Variants in LURAP1 observed in about 807,000 individuals in gnomAD.
LURAP1 encodes the protein NF-kappa-B activator C1orf190.
A neutral mutation model predicts 19.0 loss-of-function variants in LURAP1; 14 were observed. That is an observed-to-expected ratio of 0.74 (90% CI 0.49 to 1.15). The LOEUF is 1.15. LURAP1 is among the 50% of genes most tolerant of loss of function. The pLI, the probability that LURAP1 is intolerant of heterozygous loss-of-function variation, is 0.00. For missense variants in LURAP1, 273 were observed against 309.1 expected (o/e 0.88, Z 0.87); for synonymous variants, 129 against 131.8 (o/e 0.98, Z 0.14).
chr1:46,219,824 C>T lies in LURAP1; in HGVS notation c.324C>T (p.Thr108=). The stretch of plus-strand genomic sequence containing the variant: ...TGACCAGTCATTGCAGCAGCCTCAC[C>T]AGCAGTCAATATAGCCTGACAGGCG... The part of the protein sequence containing the change: ...GTLTSHCSSL[T]SSQYSLTGGS... Residue 108 remains threonine, a synonymous_variant, in exon 2 of 2, where the codon ACC becomes ACT. Coordinates refer to ENST00000371980, the MANE Select transcript of LURAP1 (RefSeq NM_001013615.3). 1 of 1,614,218 alleles carries T rather than the reference C, an allele frequency of 6.2e-7. No homozygotes were observed. The highest frequency in any genetic ancestry group is 8.5e-7 in the Non-Finnish European group (1 of 1,180,042).
At chr1:46,219,236 G>T (rs1178859312) in intron 1 of LURAP1, among the ~76,000 whole-genome samples, 1 of 151,618 alleles carries the variant, frequency 6.6e-6, no homozygotes, top group Non-Finnish European at 1.5e-5. Flanking sequence ...CGGAGGTTGC[G>T]GTGAGCTGAG....
chr1:46,211,079 C>G (rs576844418), intron 1 of LURAP1, among the ~76,000 whole-genome samples: 6 of 152,048 alleles, frequency 3.9e-5, no homozygotes, highest in African/African-American at 1.4e-4. Context: ...TGTGCCTGGT[C>G]CTTTGGGCCT....
intron 1 of LURAP1, among the ~76,000 whole-genome samples, chr1:46,208,646 C>T (rs1176257387): frequency 6.6e-6 from 1 of 152,046 alleles, no homozygotes; most frequent in Non-Finnish European, 1.5e-5. Context: ...AGTTCGAGAC[C>T]AGCCTGACCA....
chr1:46,215,216 ACT>A (rs1194895589), intron 1 of LURAP1, among the ~76,000 whole-genome samples: 4 of 144,662 alleles, frequency 2.8e-5, no homozygotes, highest in African/African-American at 7.8e-5. Context: ...ACACAACAAA[ACT>A]CTGTCTCAAA....
Position 46,211,656 on chromosome 1 carries a change from G to A in LURAP1, c.198+8032G>A, listed in dbSNP as rs765620558. Among the ~76,000 whole-genome samples the A allele has an allele frequency of 2.6e-4, 40 of 152,246 alleles. 1 individual carries two copies. The Middle Eastern group carries it at 0.034, about 129-fold the overall frequency. ...GTACCTCATATTATAATAAAGAAAT[G>A]AAGGTTTAAAGAAATCAATTTTAAT... On this transcript the variant is annotated intron_variant, in intron 1 of 1. Coordinates refer to ENST00000371980, the MANE Select transcript of LURAP1 (RefSeq NM_001013615.3).
chr1:46,216,043 C>CTTTTTTTTTTTTTTTTTTTTTTTTTTTTT lies in LURAP1; in HGVS notation c.199-3633_199-3632insTTTTTTTTTTTTTTTTTTTTTTTTTTTTT, dbSNP rs141982741. Among the ~76,000 whole-genome samples the CTTTTTTTTTTTTTTTTTTTTTTTTTTTTT allele has an allele frequency of 3.2e-5, 3 of 92,540 alleles. 1 individual carries two copies. Among genetic ancestry groups the CTTTTTTTTTTTTTTTTTTTTTTTTTTTTT allele is most frequent in the African/African-American group, 8.6e-5 (2 of 23,228 alleles). The allele number at this position is 92,540 out of a possible 152,430, so 60.7% of individuals were successfully genotyped here. The stretch of plus-strand genomic sequence containing the variant: ...AAAATAATTTCAACTTTTATTTTAT[C>CTTTTTTTTTTTTTTTTTTTTTTTTTTTTT]TTTTTTTTTTTTTTTTTTTTTTTGT... On this transcript the variant is annotated intron_variant, in intron 1 of 1. Transcript: ENST00000371980.
chr1:46,207,699 C>A (rs1168955198), intron 1 of LURAP1, among the ~76,000 whole-genome samples: 1 of 150,776 alleles, frequency 6.6e-6, no homozygotes, highest in African/African-American at 2.4e-5. Context: ...CAAACACACC[C>A]AGCTAATTTT....
intron 1 of LURAP1, among the ~76,000 whole-genome samples, chr1:46,203,951 C>G (rs868694894): frequency 6.6e-6 from 1 of 152,098 alleles, no homozygotes; most frequent in African/African-American, 2.4e-5. Flanking sequence ...CAAATTCCCC[C>G]CGCCTGTATG....
At chr1:46,206,229 A>T (rs1658710170) in intron 1 of LURAP1, among the ~76,000 whole-genome samples, 1 of 152,020 alleles carries the variant, frequency 6.6e-6, no homozygotes, top group Admixed American at 6.6e-5. Context: ...CTTGAGCAGC[A>T]CTCTGTCTCT....
rs148150932 is a variant in LURAP1 at position 46,219,794 on chromosome 1, G to A, written c.294G>A (p.Gly98=). The A allele has an allele frequency of 3.2e-5, 51 of 1,614,200 alleles. No homozygotes were observed. In the African/African-American group the frequency reaches 5.9e-4, roughly 19 times the overall value. The change falls in exon 2 of 2, where the codon GGG becomes GGA. Residue 98 remains glycine, a synonymous_variant. Coordinates refer to ENST00000371980, the MANE Select transcript of LURAP1 (RefSeq NM_001013615.3). ...TGCGCTGGCTGTTGGAGGAGCGGGG[G>A]ACGTTGACCAGTCATTGCAGCAGCC... ...EAVRWLLEER[G]TLTSHCSSLT...
At position 46,220,322 on chromosome 1, in the gene LURAP1, A is replaced by C. The variant is rs1028794384; in HGVS notation, c.*102A>C. The stretch of plus-strand genomic sequence containing the variant: ...CAGTCTGAGACTAGGAAGAGGCTGC[A>C]CTGAAATCAGTTACCATGGAAACCT... On this transcript the variant is annotated 3_prime_UTR_variant, in exon 2 of 2. Coordinates refer to ENST00000371980, the MANE Select transcript of LURAP1 (RefSeq NM_001013615.3). 1 of 1,275,058 alleles carries C rather than the reference A, an allele frequency of 7.8e-7. No homozygotes were observed. The highest frequency in any genetic ancestry group is 1.1e-6 in the Non-Finnish European group (1 of 929,922). The allele number at this position is 1,275,058 out of a possible 1,614,324, so 79.0% of individuals were successfully genotyped here.
Position 46,203,558 on chromosome 1 carries a change from G to A in LURAP1, c.132G>A (p.Leu44=). Residue 44 remains leucine, a synonymous_variant, in exon 1 of 2, where the codon CTG becomes CTA. Transcript: ENST00000371980. Reference sequence around the variant, plus strand: ...AGCTGGGAACCTCTGGCGCCCTGCTGCTCCCAGGGGCGTCTAGCACCGGCC... The same window carrying A: ...AGCTGGGAACCTCTGGCGCCCTGCTACTCCCAGGGGCGTCTAGCACCGGCC... The part of the protein sequence containing the change: ...ECELGTSGAL[L]LPGASSTGHD... 1 of 1,566,098 alleles carries A rather than the reference G, an allele frequency of 6.4e-7. No individual in the cohort carries two copies. Among genetic ancestry groups the A allele is most frequent in the South Asian group, 1.2e-5 (1 of 83,840 alleles).
At chr1:46,206,502 A>G (rs1263492018) in intron 1 of LURAP1, among the ~76,000 whole-genome samples, 2 of 152,044 alleles carry the variant, frequency 1.3e-5, no homozygotes, top group Non-Finnish European at 2.9e-5. Context: ...ATCTCCTTGG[A>G]AGGAGAATTG....
rs184338401 is a variant in LURAP1, at chr1:46,207,961, G to A, written c.198+4337G>A. On this transcript the variant is annotated intron_variant, in intron 1 of 1. Transcript: ENST00000371980. The stretch of plus-strand genomic sequence containing the variant: ...CGGCTCACTGCAACCTCTGCCTCCC[G>A]GGTTCAAGCGATTCTCCTGCCTCAG... 5.8e-4 allele frequency among the ~76,000 whole-genome samples: 88 copies of A among 152,016 alleles called. 1 individual carries two copies. Among genetic ancestry groups the A allele is most frequent in the African/African-American group, 2.1e-3 (85 of 41,442 alleles).
chr1:46,220,363 T>G lies in LURAP1; in HGVS notation c.*143T>G. 2.4e-6 allele frequency: 2 copies of G among 847,962 alleles called. No homozygotes were observed. The highest frequency in any genetic ancestry group is 1.8e-6 in the Non-Finnish European group (1 of 555,468). 52.5% of individuals were successfully genotyped at this position (847,962 alleles called of 1,614,324 possible). ...ATGGAAACCTGGCTCATCATTTCTC[T>G]AGTCCCTAGGGAGTCTCTGCCTTTA... On this transcript the variant is annotated 3_prime_UTR_variant, in exon 2 of 2. Coordinates refer to ENST00000371980, the MANE Select transcript of LURAP1 (RefSeq NM_001013615.3).
At chr1:46,211,695 T>C (rs1658901046) in intron 1 of LURAP1, among the ~76,000 whole-genome samples, 1 of 152,210 alleles carries the variant, frequency 6.6e-6, no homozygotes, top group Non-Finnish European at 1.5e-5. Flanking sequence ...ATATGGCTCA[T>C]TAATGGCAAA....
At position 46,220,262 on chromosome 1, in the gene LURAP1, A is replaced by G; in HGVS notation, c.*42A>G. The G allele has an allele frequency of 1.3e-6, 2 of 1,541,670 alleles. No individual in the cohort carries two copies. The highest frequency in any genetic ancestry group is 1.7e-6 in the Non-Finnish European group (2 of 1,145,492). On this transcript the variant is annotated 3_prime_UTR_variant, in exon 2 of 2. Coordinates refer to ENST00000371980, the MANE Select transcript of LURAP1 (RefSeq NM_001013615.3). The stretch of plus-strand genomic sequence containing the variant: ...TTGTAATCCTGTGGCTCTTTTATCC[A>G]TTAGATGTGGTCTCCCCCAAAATTG...
At chr1:46,218,354 C>G (rs1659128401) in intron 1 of LURAP1, among the ~76,000 whole-genome samples, 1 of 152,094 alleles carries the variant, frequency 6.6e-6, no homozygotes, top group Admixed American at 6.5e-5. Context: ...CCACTGCACT[C>G]TAGCCTGAGT....
At chr1:46,213,239 A>G (rs1343023640) in intron 1 of LURAP1, among the ~76,000 whole-genome samples, 1 of 151,532 alleles carries the variant, frequency 6.6e-6, no homozygotes, top group African/African-American at 2.4e-5. Flanking sequence ...GTGATTTCAT[A>G]AGATTATAAC....
Sources: allele counts gnomAD v4.1 joint callset (sites outside exome capture counted in the v4.1 genomes callset), GRCh38; gene constraint gnomAD v4.1.1; transcripts MANE v1.5; gene names NCBI Gene and HGNC (gene_info 2026-07-23, HGNC 2026-07-21).